The following DAB1 variants were observed in gnomAD, a reference collection of about 807,000 sequenced individuals.
The protein encoded by DAB1 is DAB adaptor protein 1.
Under a neutral mutation model 64.6 loss-of-function variants are expected in DAB1, and 15 were observed. That is an observed-to-expected ratio of 0.23 (90% CI 0.16 to 0.36). DAB1 has a LOEUF of 0.36. Ranked by LOEUF, DAB1 falls within the 10% of genes least tolerant of loss-of-function variation. The pLI is 1.00. For missense variants in DAB1, 596 were observed against 706.7 expected (o/e 0.84, Z 1.78); for synonymous variants, 235 against 251.9 (o/e 0.93, Z 0.64).
chr1:57,859,021 C>T (rs1006561439), intron 1 of DAB1, among the ~76,000 whole-genome samples: 3 of 152,082 alleles, frequency 2.0e-5, no homozygotes, highest in Admixed American at 6.6e-5. Flanking sequence ...CCATCAGGCA[C>T]TTCTGCAGGG....
At chr1:58,132,335 C>T (rs1190865921) in intron 5 of DAB1, among the ~76,000 whole-genome samples, 1 of 152,184 alleles carries the variant, frequency 6.6e-6, no homozygotes, top group African/African-American at 2.4e-5. Flanking sequence ...GGTGCACGCA[C>T]CCACTGACCT....
intron 2 of DAB1, among the ~76,000 whole-genome samples, chr1:57,227,548 T>C (rs1667365822): frequency 6.6e-6 from 1 of 151,202 alleles, no homozygotes; most frequent in Non-Finnish European, 1.5e-5. Flanking sequence ...TGTGTGTGTG[T>C]GTGTGTGTGT....
At chr1:57,218,555 T>C (rs952157469) in intron 2 of DAB1, among the ~76,000 whole-genome samples, 2 of 131,588 alleles carry the variant, frequency 1.5e-5, no homozygotes, top group Non-Finnish European at 3.1e-5. Flanking sequence ...AGAAAAAAAT[T>C]AGCCAGGTGC....
chr1:57,082,366 G>A (rs944196003), intron 4 of DAB1, among the ~76,000 whole-genome samples: 3 of 152,122 alleles, frequency 2.0e-5, no homozygotes, highest in African/African-American at 2.4e-5. Context: ...TCAGTCAACC[G>A]TTGGTCCAAA....
intron 7 of DAB1, among the ~76,000 whole-genome samples, chr1:57,624,523 C>A (rs1374871215): frequency 1.3e-5 from 2 of 152,174 alleles, no homozygotes; most frequent in Non-Finnish European, 2.9e-5. Flanking sequence ...TGAGAACTCA[C>A]TTTTTCATTC....
At chr1:57,666,690 C>A (rs751065836) in intron 6 of DAB1, among the ~76,000 whole-genome samples, 4 of 152,288 alleles carry the variant, frequency 2.6e-5, no homozygotes, top group Non-Finnish European at 4.4e-5. Context: ...CATTCATAGT[C>A]CAACCACTTC....
At chr1:58,074,564 G>GTGTGTGTGTATATATATATATATATA (rs1332531604) in intron 5 of DAB1, 23 of 91,632 alleles carry the variant, frequency 2.5e-4, no homozygotes, top group Non-Finnish European at 4.7e-4. Flanking sequence ...ATATATGTGT[G>GTGTGTGTGTATATATATATATATATA]TATATATATA....
At chr1:57,460,580 C>G (rs1686748971) in intron 7 of DAB1, among the ~76,000 whole-genome samples, 2 of 152,176 alleles carry the variant, frequency 1.3e-5, no homozygotes, top group Admixed American at 1.3e-4. Context: ...GTTTGGATAA[C>G]AAAGCTCCGA....
chr1:57,632,562 A>C (rs1274294449), intron 7 of DAB1, among the ~76,000 whole-genome samples: 1 of 152,168 alleles, frequency 6.6e-6, no homozygotes, highest in Non-Finnish European at 1.5e-5. Context: ...CACTGAAGAA[A>C]TTCAGCACCA....
chr1:57,837,504 G>T (rs1298695632), intron 1 of DAB1, among the ~76,000 whole-genome samples: 1 of 151,982 alleles, frequency 6.6e-6, no homozygotes, highest in South Asian at 2.1e-4. Flanking sequence ...GGTGATATTT[G>T]AAGGATTCCT....
chr1:57,752,779 G>A (rs902961559), intron 6 of DAB1, among the ~76,000 whole-genome samples: 1 of 152,158 alleles, frequency 6.6e-6, no homozygotes, highest in Non-Finnish European at 1.5e-5. Flanking sequence ...CTGATAAACT[G>A]AAGTAACAGA....
intron 1 of DAB1, among the ~76,000 whole-genome samples, chr1:57,373,877 C>G (rs1680693776): frequency 6.6e-6 from 1 of 152,144 alleles, no homozygotes; most frequent in African/African-American, 2.4e-5. Flanking sequence ...AAACACATAT[C>G]AGAAGATACT....
chr1:57,452,621 G>A (rs1202695764), intron 7 of DAB1, among the ~76,000 whole-genome samples: 1 of 151,980 alleles, frequency 6.6e-6, no homozygotes, highest in Admixed American at 6.6e-5. Context: ...GGCGCGGGGT[G>A]GTCCTTAGAC....
intron 1 of DAB1, among the ~76,000 whole-genome samples, chr1:57,422,312 C>T (rs1008209637): frequency 6.6e-6 from 1 of 152,196 alleles, no homozygotes; most frequent in African/African-American, 2.4e-5. Context: ...GATTCTCGCC[C>T]CGGTCCCCGC....
intron 7 of DAB1, among the ~76,000 whole-genome samples, chr1:57,435,046 C>CT (rs71580850): frequency 0.16 from 14,947 of 93,012 alleles, 1,155 homozygotes; most frequent in Non-Finnish European, 0.18. Flanking sequence ...TTCTTTTTTT[C>CT]TTTTTTTTTT....
chr1:57,582,977 A>G (rs1570647661), intron 7 of DAB1, among the ~76,000 whole-genome samples: 1 of 152,140 alleles, frequency 6.6e-6, no homozygotes, highest in Non-Finnish European at 1.5e-5. Context: ...TTTCTTCCCT[A>G]TATGCTGGAA....
intron 3 of DAB1, among the ~76,000 whole-genome samples, chr1:58,366,681 C>T (rs1377124745): frequency 6.6e-6 from 1 of 152,222 alleles, no homozygotes; most frequent in Non-Finnish European, 1.5e-5. Flanking sequence ...CTCCAAGGAG[C>T]AACTTTTTTG....
intron 2 of DAB1, among the ~76,000 whole-genome samples, chr1:57,220,401 G>T (rs1557965325): frequency 6.6e-6 from 1 of 152,130 alleles, no homozygotes; most frequent in Non-Finnish European, 1.5e-5. Flanking sequence ...GACCTGGATG[G>T]TAACAACCAT....
At chr1:57,727,703 C>A (rs1346323715) in intron 6 of DAB1, among the ~76,000 whole-genome samples, 3 of 84,994 alleles carry the variant, frequency 3.5e-5, no homozygotes, top group African/African-American at 7.6e-5. Context: ...CTGTTTCTCA[C>A]CCTCTTCTGC....
Sources: allele counts gnomAD v4.1 joint callset (sites outside exome capture counted in the v4.1 genomes callset), GRCh38; gene constraint gnomAD v4.1.1; transcripts MANE v1.5; gene names NCBI Gene and HGNC (gene_info 2026-07-23, HGNC 2026-07-21).